The following ZNF280B variants were observed in gnomAD, a reference collection of about 807,000 sequenced individuals.
ZNF280B encodes the protein zinc finger protein 280B.
A neutral mutation model predicts 38.0 loss-of-function variants in ZNF280B; 16 were observed. That is an observed-to-expected ratio of 0.42 (90% CI 0.28 to 0.64). The LOEUF (loss-of-function observed/expected upper bound fraction) is 0.64. Ranked by LOEUF, ZNF280B falls within the 30% of genes least tolerant of loss-of-function variation. The probability of loss-of-function intolerance (pLI) is 0.21; values close to 1 mark genes in which losing one functional copy is unlikely to be tolerated. For synonymous variants in ZNF280B, 253 were observed against 230.6 expected (o/e 1.10, Z -0.88); for missense variants, 581 against 639.6 (o/e 0.91, Z 0.99).
intron 2 of ZNF280B, among the ~76,000 whole-genome samples, chr22:22,498,320 TA>T (rs1261548871): frequency 6.6e-6 from 1 of 151,976 alleles, no homozygotes; most frequent in Admixed American, 6.6e-5. Flanking sequence ...TAAATATCAC[TA>T]AACTGTTTAT....
chr22:22,489,175 T>C lies in ZNF280B; in HGVS notation c.224A>G (p.Tyr75Cys), dbSNP rs1183913303. 6.2e-7 allele frequency: 1 copy of C among 1,613,748 alleles called. No homozygotes were observed. The highest frequency in any genetic ancestry group is 1.3e-5 in the African/African-American group (1 of 74,844). The change falls in exon 4 of 4, where the codon TAT (tyrosine) becomes TGT (cysteine). Residue 75 changes from tyrosine (Y) to cysteine (C), a missense_variant. Coordinates refer to ENST00000626650, the MANE Select transcript of ZNF280B (RefSeq NM_080764.4). The stretch of plus-strand genomic sequence containing the variant: ...AGCAGTATCTTTTCTAAGGTGATCA[T>C]ACTTTTTTCTCCTTGACCATGAACC... ...TPGSWSRRKK[Y>C]DHLRKDTARK...
chr22:22,494,000 T>A (rs1366331024), intron 3 of ZNF280B, 63 bp downstream of exon 3: 1 of 151,662 alleles, frequency 6.6e-6, no homozygotes, highest in Non-Finnish European at 1.5e-5. Context: ...GGTTAAGATG[T>A]ATTCATGAGG....
intron 2 of ZNF280B, among the ~76,000 whole-genome samples, chr22:22,501,931 G>A (rs2061833847): frequency 6.6e-6 from 1 of 150,968 alleles, no homozygotes; most frequent in Non-Finnish European, 1.5e-5. Flanking sequence ...GAGCAAGACT[G>A]TCTCAAGAAA....
chr22:22,499,346 C>T (rs1424037056), intron 2 of ZNF280B, among the ~76,000 whole-genome samples: 7 of 151,318 alleles, frequency 4.6e-5, no homozygotes, highest in Admixed American at 4.6e-4. Flanking sequence ...CTGACCACAA[C>T]CTCCGCCTCC....
chr22:22,506,523 C>T (rs991655574), intron 2 of ZNF280B, among the ~76,000 whole-genome samples: 11 of 151,648 alleles, frequency 7.3e-5, no homozygotes, highest in South Asian at 6.3e-4. Context: ...TAAGGAAGAA[C>T]GAGAACAGGA....
intron 2 of ZNF280B, among the ~76,000 whole-genome samples, chr22:22,505,819 T>C (rs903223306): frequency 6.6e-6 from 1 of 151,674 alleles, no homozygotes; most frequent in African/African-American, 2.4e-5. Flanking sequence ...TTACCCTGAG[T>C]GTGATGAGAG....
chr22:22,488,919 A>G lies in ZNF280B; in HGVS notation c.480T>C (p.Leu160=). ...GACTTTCATTTATACCTCCTACTGA[A>G]AGTGCTGTACTTACTGGATGATGCA... The part of the protein sequence containing the change: ...DSLHHPVSTA[L]SVGGINESPR... The change falls in exon 4 of 4, where the codon CTT becomes CTC. Residue 160 remains leucine (L), a synonymous_variant. Transcript: ENST00000626650. The G allele has an allele frequency of 1.9e-6, 3 of 1,613,798 alleles. No individual in the cohort carries two copies. Among genetic ancestry groups the G allele is most frequent in the Non-Finnish European group, 2.5e-6 (3 of 1,179,974 alleles).
chr22:22,499,818 C>T lies in ZNF280B; in HGVS notation c.-186-5638G>A, dbSNP rs533206135. Among the ~76,000 whole-genome samples the T allele has an allele frequency of 2.6e-5, 4 of 151,954 alleles. No individual in the cohort carries two copies. The East Asian group carries it at 5.9e-4, about 22-fold the overall frequency. ...CACTTTAACCACTTCAACTCAACAC[C>T]GTACTAGAGGTTCTATAGCCAAGGT... On this transcript the variant is annotated intron_variant, in intron 2 of 3. Transcript: ENST00000626650.
At position 22,488,338 on chromosome 22, in the gene ZNF280B, G is replaced by A. The variant is rs774825721; in HGVS notation, c.1061C>T (p.Thr354Ile). Residue 354 changes from threonine to isoleucine, a missense_variant, in exon 4 of 4, where the codon ACT (threonine) becomes ATT (isoleucine). Transcript: ENST00000626650. ...TCQHCHRQFP[T>I]PFQLQCHIEN... ...GATGTGACACTGTAGCTGGAAGGGA[G>A]TGGGAAACTGCCGGTGGCAGTGCTG... 2.6e-5 allele frequency: 42 copies of A among 1,613,802 alleles called. No homozygotes were observed. Among genetic ancestry groups the A allele is most frequent in the Non-Finnish European group, 3.2e-5 (38 of 1,179,990 alleles).
rs371845280 is a variant in ZNF280B, at chr22:22,488,401, T to C, written c.998A>G (p.Lys333Arg). Reference sequence around the variant, plus strand: ...GTTTTCCCAGCTGTCGTTCCTCTGCTTCTCAAATTCCAAATGATGCTTCAC... The same window carrying C: ...GTTTTCCCAGCTGTCGTTCCTCTGCCTCTCAAATTCCAAATGATGCTTCAC... ...NHVKHHLEFE[K>R]QRNDSWENHT... Residue 333 changes from lysine (K) to arginine (R), a missense_variant, in exon 4 of 4, where the codon AAG (lysine) becomes AGG (arginine). Physicochemically the swap from Lys to Arg is conservative, Grantham distance 26 (BLOSUM62 2). Transcript: ENST00000626650. The C allele has an allele frequency of 5.6e-6, 9 of 1,613,916 alleles. No homozygotes were observed. In the South Asian group the frequency reaches 9.9e-5, roughly 18 times the overall value.
rs1277949937 is a variant in ZNF280B, at chr22:22,484,882, C to G, written c.*2885G>C. The G allele has an allele frequency of 6.7e-6, 1 of 149,886 alleles. No homozygotes were observed. The highest frequency in any genetic ancestry group is 1.5e-5 in the Non-Finnish European group (1 of 67,576). 9.3% of individuals were successfully genotyped at this position (149,886 alleles called of 1,614,324 possible). On this transcript the variant is annotated 3_prime_UTR_variant, in exon 4 of 4. Coordinates refer to ENST00000626650, the MANE Select transcript of ZNF280B (RefSeq NM_080764.4). ...TTTTTTTTTTTTTTTAAAGGGAGAT[C>G]TCATTGTCAGTGGCATTTTAAGAGC... is the stretch of plus-strand genomic sequence containing the variant.
rs2061518097 is a variant in ZNF280B, at chr22:22,487,513, C to T, written c.*254G>A. 1.3e-5 allele frequency: 4 copies of T among 316,128 alleles called. No homozygotes were observed. The highest frequency in any genetic ancestry group is 9.9e-5 in the Admixed American group (2 of 20,124). The allele number at this position is 316,128 out of a possible 1,614,324, so 19.6% of individuals were successfully genotyped here. On this transcript the variant is annotated 3_prime_UTR_variant, in exon 4 of 4. Transcript: ENST00000626650. ...AAAATAAATTAATACCTTTTTCTCT[C>T]TCTCACACACACACACAAACACCTT... is the stretch of plus-strand genomic sequence containing the variant.
In ZNF280B at chr22:22,485,780, G is replaced by C. The variant is rs1262305115; in HGVS notation, c.*1987C>G. On this transcript the variant is annotated 3_prime_UTR_variant, in exon 4 of 4. Transcript: ENST00000626650. ...AAGGGAGAGATTTCTCCAGACCTAT[G>C]TATGTCTACAGCCAAGATGGCGGAT... is the stretch of plus-strand genomic sequence containing the variant. 1 of 115,610 alleles carries C rather than the reference G, an allele frequency of 8.6e-6. No homozygotes were observed. Among genetic ancestry groups the C allele is most frequent in the East Asian group, 3.2e-4 (1 of 3,078 alleles). The allele number at this position is 115,610 out of a possible 1,614,324, so 7.2% of individuals were successfully genotyped here.
intron 3 of ZNF280B, among the ~76,000 whole-genome samples, chr22:22,491,946 T>C (rs1343300719): frequency 1.3e-5 from 2 of 151,996 alleles, no homozygotes; most frequent in Non-Finnish European, 2.9e-5. Flanking sequence ...TATCCCCATG[T>C]GGACCCTTCA....
chr22:22,489,454 T>C lies in ZNF280B; in HGVS notation c.-56A>G. 6.8e-7 allele frequency: 1 copy of C among 1,462,092 alleles called. No homozygotes were observed. The highest frequency in any genetic ancestry group is 1.4e-5 in the South Asian group (1 of 73,546). The allele number at this position is 1,462,092 out of a possible 1,614,324, so 90.6% of individuals were successfully genotyped here. A position where few individuals can be genotyped will look rare whatever the true frequency, so the allele number is the denominator to read the frequency against. ...GCCACAAGTCCCAATGCTTCCTTTA[T>C]ATAAACTGCCACCTAAGTACAAACA... On this transcript the variant is annotated 5_prime_UTR_variant, in exon 4 of 4. It adds an upstream start codon to the 5' untranslated region. Coordinates refer to ENST00000626650, the MANE Select transcript of ZNF280B (RefSeq NM_080764.4).
chr22:22,493,124 C>A (rs1050398231), intron 3 of ZNF280B, among the ~76,000 whole-genome samples: 2 of 151,692 alleles, frequency 1.3e-5, no homozygotes, highest in Admixed American at 6.6e-5. Flanking sequence ...TATTCTCCTG[C>A]CTCAGCCTCC....
rs529156775 is a variant in ZNF280B at position 22,501,421 on chromosome 22, C to T, written c.-187+6389G>A. Among the ~76,000 whole-genome samples, 8 of 151,504 alleles carry T rather than the reference C, an allele frequency of 5.3e-5. 1 individual carries two copies. Among genetic ancestry groups the T allele is most frequent in the South Asian group, 2.1e-4 (1 of 4,770 alleles). The stretch of plus-strand genomic sequence containing the variant: ...CTCTACTAAAAATACAAAAATTAGC[C>T]GGCATGGTGGCACGCGCCTGTAATC... On this transcript the variant is annotated intron_variant, in intron 2 of 3. Coordinates refer to ENST00000626650, the MANE Select transcript of ZNF280B (RefSeq NM_080764.4).
rs2236730 is a variant in ZNF280B at position 22,488,793 on chromosome 22, T to C, written c.606A>G (p.Ser202=). The C allele has an allele frequency of 0.16, 257,986 of 1,613,458 alleles. 24,486 individuals carry two copies. Among genetic ancestry groups the C allele is most frequent in the South Asian group, 0.33 (29,699 of 91,052 alleles). The change falls in exon 4 of 4, where the codon TCA becomes TCG. Residue 202 remains serine (S), a synonymous_variant. Coordinates refer to ENST00000626650, the MANE Select transcript of ZNF280B (RefSeq NM_080764.4). The part of the protein sequence containing the change: ...DGIIEGNSSA[S]FPSDTFHTMN... ...TTGTATGAAAGGTATCTGAAGGGAA[T>C]GAAGCTGAAGAATTTCCTTCTATAA...
Position 22,508,707 on chromosome 22 carries a change from C to T in ZNF280B, c.-296G>A, listed in dbSNP as rs2061992673. ...CGAGCTGCCGGCCACGCACCAGCCC[C>T]GGAGGCGCTCCCGGGGCACAGCCGG... On this transcript the variant is annotated 5_prime_UTR_variant, in exon 1 of 4. Coordinates refer to ENST00000626650, the MANE Select transcript of ZNF280B (RefSeq NM_080764.4). 1 of 151,930 alleles carries T rather than the reference C, an allele frequency of 6.6e-6. No individual in the cohort carries two copies. The highest frequency in any genetic ancestry group is 6.6e-5 in the Admixed American group (1 of 15,250). The allele number at this position is 151,930 out of a possible 1,614,324, so 9.4% of individuals were successfully genotyped here.
Sources: gnomAD v4.1 joint callset for allele counts (sites outside exome capture counted in the v4.1 genomes callset) on GRCh38, gnomAD v4.1.1 for gene constraint, MANE v1.5 for transcripts, NCBI Gene and HGNC (gene_info 2026-07-23, HGNC 2026-07-21) for gene names.